Variants in NAGA observed in about 807,000 individuals in gnomAD.
The protein encoded by NAGA is Acetylgalactosaminidase, alpha-N- (alpha-galactosidase B).
A neutral mutation model predicts 45.6 loss-of-function variants in NAGA; 42 were observed. The observed-to-expected ratio is 0.92, with a 90% confidence interval of 0.72 to 1.19. The LOEUF is 1.19. NAGA is among the 50% of genes most tolerant of loss of function. The pLI, the probability that NAGA is intolerant of heterozygous loss-of-function variation, is 0.00. For missense variants in NAGA, 493 were observed against 544.8 expected, an observed-to-expected ratio of 0.90 and a Z score of 0.95; for synonymous variants, 176 against 203.1, an observed-to-expected ratio of 0.87 and a Z score of 1.13.
chr22:42,062,867 T>A lies in NAGA; in HGVS notation c.917A>T (p.Asn306Ile), dbSNP rs754396207. 1.2e-6 allele frequency: 2 copies of A among 1,614,142 alleles called. No homozygotes were observed. The highest frequency in any genetic ancestry group is 1.7e-6 in the Non-Finnish European group (2 of 1,180,032). The change falls in exon 7 of 9, where the codon AAC (asparagine) becomes ATC (isoleucine). Residue 306 changes from asparagine to isoleucine, a missense_variant. Transcript: ENST00000396398. Reference sequence around the variant, plus strand: ...TCCCTGGATGCCTAAGGGATCCTGGTTGATTTTGATCATGAGTGGATTCTG... The same window carrying A: ...TCCCTGGATGCCTAAGGGATCCTGGATGATTTTGATCATGAGTGGATTCTG... Reference protein sequence around the residue: ...ILQNPLMIKINQDPLGIQGRR... With the variant: ...ILQNPLMIKIIQDPLGIQGRR...
rs141557187 is a variant in NAGA, at chr22:42,067,133, G to T, written c.482C>A (p.Thr161Asn). The change falls in exon 4 of 9, where the codon ACC (threonine) becomes AAC (asparagine). Residue 161 changes from threonine to asparagine, a missense_variant. Thr to Asn is a moderately conservative substitution (Grantham distance 65, BLOSUM62 0). Coordinates refer to ENST00000396398, the MANE Select transcript of NAGA (RefSeq NM_000262.3). ...CTCACCCTGGGCCCGCTCCTCGGGG[G>T]TGGAGAAGCAGCCATCCAGCTTGAG... is the stretch of plus-strand genomic sequence containing the variant. ...DMLKLDGCFS[T>N]PEERAQGYPK... 3 of 1,613,970 alleles carry T rather than the reference G, an allele frequency of 1.9e-6. No homozygotes were observed. The highest frequency in any genetic ancestry group is 2.5e-6 in the Non-Finnish European group (3 of 1,180,012).
chr22:42,059,000 T>TGTAA lies in NAGA; in HGVS notation c.*1275_*1278dup, dbSNP rs1339828025. On this transcript the variant is annotated 3_prime_UTR_variant, in exon 9 of 9. Coordinates refer to ENST00000396398, the MANE Select transcript of NAGA (RefSeq NM_000262.3). Reference sequence around the variant, plus strand: ...TAAATGATGTAACAAAATGTGCATATGTAAGTTTTTACACCATACCCTAAA... The same window carrying TGTAA: ...TAAATGATGTAACAAAATGTGCATATGTAAGTAAGTTTTTACACCATACCCTAAA... The TGTAA allele has an allele frequency of 2.0e-5, 3 of 152,216 alleles. No homozygotes were observed. Among genetic ancestry groups the TGTAA allele is most frequent in the African/African-American group, 4.8e-5 (2 of 41,438 alleles). 9.4% of individuals were successfully genotyped at this position (152,216 alleles called of 1,614,324 possible).
intron 3 of NAGA, 136 bp downstream of exon 3, chr22:42,067,629 C>A: frequency 1.3e-6 from 1 of 772,154 alleles, no homozygotes; most frequent in Admixed American, 2.6e-5. Flanking sequence ...ACAGAATAGG[C>A]CAAAAGTCGG....
Position 42,066,710 on chromosome 22 carries a change from C to G in NAGA, c.597G>C (p.Arg199Ser). The change falls in exon 5 of 9, where the codon AGG becomes AGC. Residue 199 changes from arginine to serine, a missense_variant and splice_region_variant. By Grantham distance (110) the Arg-to-Ser change is moderately radical. Coordinates refer to ENST00000396398, the MANE Select transcript of NAGA (RefSeq NM_000262.3). Reference protein sequence around the residue: ...WPAYEGGLPPRVNYSLLADIC... With the variant: ...WPAYEGGLPPSVNYSLLADIC... ...TCAGGCAGGGGGCAGAATGGCTTAC[C>G]CTTGGGGGGAGGCCGCCTTCATAGG... The G allele has an allele frequency of 6.3e-7, 1 of 1,596,264 alleles. No individual in the cohort carries two copies. Among genetic ancestry groups the G allele is most frequent in the South Asian group, 1.1e-5 (1 of 88,220 alleles).
Position 42,068,475 on chromosome 22 carries a change from T to G in NAGA, c.116A>C (p.Asn39Thr). Residue 39 changes from asparagine to threonine, a missense_variant, in exon 2 of 9, where the codon AAC becomes ACC. Asn to Thr is a moderately conservative substitution (Grantham distance 65). Coordinates refer to ENST00000396398, the MANE Select transcript of NAGA (RefSeq NM_000262.3). ...GWLAWERFRC[N>T]INCDEDPKNC... Reference sequence around the variant, plus strand: ...CTTTGGGTCCTCATCACAGTTAATGTTGCAGCGGAAGCGTTCCCAGGCCAG... The same window carrying G: ...CTTTGGGTCCTCATCACAGTTAATGGTGCAGCGGAAGCGTTCCCAGGCCAG... 4 of 1,614,150 alleles carry G rather than the reference T, an allele frequency of 2.5e-6. No homozygotes were observed. Among genetic ancestry groups the G allele is most frequent in the Non-Finnish European group, 3.4e-6 (4 of 1,180,022 alleles).
intron 2 of NAGA, among the ~76,000 whole-genome samples, 165 bp downstream of exon 2, chr22:42,068,274 C>G (rs1031303949): frequency 1.3e-5 from 2 of 152,146 alleles, no homozygotes; most frequent in Non-Finnish European, 2.9e-5. Context: ...AGGCTCCAGA[C>G]AGGTCATGGG....
chr22:42,061,296 C>T (rs1182805023), intron 7 of NAGA, among the ~76,000 whole-genome samples: 1 of 152,244 alleles, frequency 6.6e-6, no homozygotes, highest in Non-Finnish European at 1.5e-5. Flanking sequence ...GGCCCCTATG[C>T]TAGCACACTG....
rs1019749715 is a variant in NAGA, at chr22:42,070,478, A to C, written c.-181T>G. ...ACTCGGTCCCCAAGTTGCCCGCCCC[A>C]TCCCCAGCCATCACTTCCCGGAGCT... On this transcript the variant is annotated 5_prime_UTR_variant, in exon 1 of 9. It removes an upstream start codon present in the reference 5' UTR. Coordinates refer to ENST00000396398, the MANE Select transcript of NAGA (RefSeq NM_000262.3). 3 of 702,496 alleles carry C rather than the reference A, an allele frequency of 4.3e-6. No homozygotes were observed. Among genetic ancestry groups the C allele is most frequent in the African/African-American group, 3.5e-5 (2 of 57,080 alleles). 43.5% of individuals were successfully genotyped at this position (702,496 alleles called of 1,614,324 possible).
intron 6 of NAGA, among the ~76,000 whole-genome samples, chr22:42,065,034 T>A (rs1168061761): frequency 1.3e-5 from 2 of 152,202 alleles, no homozygotes; most frequent in African/African-American, 4.8e-5. Flanking sequence ...CTACTATTCT[T>A]ATTTTCCAAT....
chr22:42,068,418 G>A (rs576525907), intron 2 of NAGA, 21 bp downstream of exon 2: 4 of 1,614,012 alleles, frequency 2.5e-6, no homozygotes, highest in African/African-American at 1.3e-5. Context: ...GGCTCATCAG[G>A]TGAGTGTGGA....
intron 7 of NAGA, among the ~76,000 whole-genome samples, chr22:42,062,240 G>C (rs1926448272): frequency 6.6e-6 from 1 of 152,124 alleles, no homozygotes; most frequent in South Asian, 2.1e-4. Context: ...TTGGGAGGCT[G>C]ATACGGGTGG....
chr22:42,065,650 G>T, intron 6 of NAGA, 88 bp downstream of exon 6: 1 of 1,560,528 alleles, frequency 6.4e-7, no homozygotes. Flanking sequence ...CCGGCAGTGA[G>T]CCTCCAAGAA....
chr22:42,067,105 T>A lies in NAGA; in HGVS notation c.502+8A>T, dbSNP rs375946807. 160 of 1,613,508 alleles carry A rather than the reference T, an allele frequency of 9.9e-5. No individual in the cohort carries two copies. The highest frequency in any genetic ancestry group is 1.1e-4 in the Non-Finnish European group (129 of 1,179,950). On this transcript the variant is annotated splice_region_variant and intron_variant, in intron 4 of 8. Coordinates refer to ENST00000396398, the MANE Select transcript of NAGA (RefSeq NM_000262.3). ...TGCCTACGTGCCCCAGCCAGCTGCG[T>A]AACTCACCCTGGGCCCGCTCCTCGG...
In NAGA at chr22:42,060,012, G is replaced by C; in HGVS notation, c.*267C>G. On this transcript the variant is annotated 3_prime_UTR_variant, in exon 9 of 9. Coordinates refer to ENST00000396398, the MANE Select transcript of NAGA (RefSeq NM_000262.3). ...TGGGCATGGAGCTCAGGAGGCTGGC[G>C]AGTTGCTCAGCAACGTCTGTGGGGC... The C allele has an allele frequency of 1.0e-5, 5 of 480,604 alleles. No individual in the cohort carries two copies. The highest frequency in any genetic ancestry group is 6.0e-4 in the Middle Eastern group (1 of 1,680). The allele number at this position is 480,604 out of a possible 1,614,324, so 29.8% of individuals were successfully genotyped here. A position where few individuals can be genotyped will look rare whatever the true frequency, so the allele number is the denominator to read the frequency against.
At chr22:42,066,991 G>A (rs1416847666) in intron 4 of NAGA, 122 bp downstream of exon 4, 5 of 1,496,422 alleles carry the variant, frequency 3.3e-6, no homozygotes, top group Non-Finnish European at 4.6e-6. Flanking sequence ...GAGCCTGGGA[G>A]CCACAATCCC....
intron 7 of NAGA, among the ~76,000 whole-genome samples, chr22:42,061,853 G>A (rs546885070): frequency 4.4e-4 from 66 of 150,724 alleles, no homozygotes; most frequent in African/African-American, 1.6e-3. Flanking sequence ...CTGGGAGGCT[G>A]AGGCAGGAAA....
Position 42,060,151 on chromosome 22 carries a change from G to A in NAGA, c.*128C>T, listed in dbSNP as rs901982938. 6 of 1,240,332 alleles carry A rather than the reference G, an allele frequency of 4.8e-6. No homozygotes were observed. In the African/African-American group the frequency reaches 5.9e-5, roughly 12 times the overall value. The allele number at this position is 1,240,332 out of a possible 1,614,324, so 76.8% of individuals were successfully genotyped here. ...GAACCTGGCCGTGAGATTGCACTTTGGGTATGATGGGGTCAGTCACCGAGC... is the reference window on the plus strand; with the variant it reads ...GAACCTGGCCGTGAGATTGCACTTTAGGTATGATGGGGTCAGTCACCGAGC... On this transcript the variant is annotated 3_prime_UTR_variant, in exon 9 of 9. Coordinates refer to ENST00000396398, the MANE Select transcript of NAGA (RefSeq NM_000262.3).
intron 6 of NAGA, 50 bp downstream of exon 6, chr22:42,065,688 A>C (rs1490964221): frequency 1.2e-6 from 2 of 1,610,264 alleles, no homozygotes; most frequent in Non-Finnish European, 1.7e-6. Context: ...AGTGGGGAGC[A>C]GGGTCGTCAC....
At position 42,059,059 on chromosome 22, in the gene NAGA, G is replaced by A. The variant is rs953685383; in HGVS notation, c.*1220C>T. On this transcript the variant is annotated 3_prime_UTR_variant, in exon 9 of 9. Transcript: ENST00000396398. ...CCTCAGAACCCTGAGGAGTATGGGA[G>A]ATCCACCCAGAAAATACTCCTTGGG... is the stretch of plus-strand genomic sequence containing the variant. The A allele has an allele frequency of 6.6e-6, 1 of 152,224 alleles. No homozygotes were observed. Among genetic ancestry groups the A allele is most frequent in the Non-Finnish European group, 1.5e-5 (1 of 68,048 alleles). 9.4% of individuals were successfully genotyped at this position (152,224 alleles called of 1,614,324 possible).
Sources: allele counts gnomAD v4.1 joint callset (sites outside exome capture counted in the v4.1 genomes callset), GRCh38; gene constraint gnomAD v4.1.1; transcripts MANE v1.5; gene names NCBI Gene and HGNC (gene_info 2026-07-23, HGNC 2026-07-21).